The following FRMPD4 variants were observed in gnomAD, a reference collection of about 807,000 sequenced individuals.
FRMPD4 encodes FERM and PDZ domain containing 4.
In FRMPD4, 22 loss-of-function variants were observed where a neutral mutation model predicts 94.1. That is an observed-to-expected ratio of 0.23 (90% CI 0.17 to 0.33). The LOEUF (loss-of-function observed/expected upper bound fraction) is 0.33, where lower values mean the gene tolerates loss of function less well. Among genes scored for constraint, FRMPD4 ranks in the 10% least tolerant of loss-of-function variants. The pLI, the probability that FRMPD4 is intolerant of heterozygous loss-of-function variation, is 1.00. For synonymous variants in FRMPD4, 631 were observed against 548.6 expected, an observed-to-expected ratio of 1.15 and a Z score of -2.10; for missense variants, 1,111 against 1,339.9, an observed-to-expected ratio of 0.83 and a Z score of 2.67.
At chrX:11,947,018 T>C (rs750033276) in intron 3 of FRMPD4, among the ~76,000 whole-genome samples, 1 of 111,742 alleles carries the variant, frequency 8.9e-6, no homozygotes, top group South Asian at 3.8e-4. Context: ...CTCTTACATA[T>C]ACCTAAACAT....
At chrX:12,474,310 A>T (rs746053173) in intron 1 of FRMPD4, among the ~76,000 whole-genome samples, 1 of 111,385 alleles carries the variant, frequency 9.0e-6, no homozygotes, top group Non-Finnish European at 1.9e-5. Flanking sequence ...CATTTAAAGC[A>T]GTGTGTAGAG....
intron 1 of FRMPD4, among the ~76,000 whole-genome samples, chrX:12,289,997 T>C (rs138464150): frequency 0.018 from 2,024 of 111,581 alleles, 49 homozygotes; most frequent in African/African-American, 0.063. Flanking sequence ...TATTTTGAAA[T>C]AGAGAAGGAA....
At chrX:12,181,420 G>T (rs898845785) in intron 1 of FRMPD4, among the ~76,000 whole-genome samples, 11 of 112,032 alleles carry the variant, frequency 9.8e-5, no homozygotes, top group Non-Finnish European at 2.1e-4. Context: ...CTATGAGCTG[G>T]TTGAAGAATT....
At chrX:12,417,307 G>A (rs186588443) in intron 1 of FRMPD4, among the ~76,000 whole-genome samples, 45 of 111,056 alleles carry the variant, frequency 4.1e-4, no homozygotes, top group Admixed American at 1.8e-3. Flanking sequence ...GGCCCGGTGC[G>A]GTAGCTCACG....
Position 12,265,103 on chromosome X carries a change from T to G in FRMPD4, c.41+126091T>G, listed in dbSNP as rs6639169. On this transcript the variant is annotated intron_variant, in intron 1 of 16. Coordinates refer to ENST00000675598, the MANE Select transcript of FRMPD4 (RefSeq NM_001368397.1). Reference sequence around the variant, plus strand: ...TTTCAGCCTGTAATCAAAGACAAAGTAATTCTCAATCTTGGCTGCACCTTG... The same window carrying G: ...TTTCAGCCTGTAATCAAAGACAAAGGAATTCTCAATCTTGGCTGCACCTTG... Among the ~76,000 whole-genome samples, 943 of 111,381 alleles carry G rather than the reference T, an allele frequency of 8.5e-3. 10 individuals carry two copies. Among genetic ancestry groups the G allele is most frequent in the African/African-American group, 0.029 (892 of 30,689 alleles).
chrX:12,435,227 G>T (rs2057051990), intron 1 of FRMPD4, among the ~76,000 whole-genome samples: 1 of 111,464 alleles, frequency 9.0e-6, no homozygotes, highest in Admixed American at 9.5e-5. Flanking sequence ...GGCATTTAGA[G>T]TCTTAATGAT....
At chrX:12,479,413 T>TACATATATAC (rs1248062688) in intron 1 of FRMPD4, among the ~76,000 whole-genome samples, 1 of 69,391 alleles carries the variant, frequency 1.4e-5, no homozygotes, top group African/African-American at 4.3e-5. Flanking sequence ...CACATATATA[T>TACATATATAC]ACATATATAC....
chrX:11,915,577 A>G (rs945019125), intron 3 of FRMPD4, among the ~76,000 whole-genome samples: 11 of 112,628 alleles, frequency 9.8e-5, no homozygotes, highest in African/African-American at 2.9e-4. Context: ...GGCTATTTAA[A>G]TGAAAATTAA....
intron 1 of FRMPD4, among the ~76,000 whole-genome samples, chrX:12,411,718 C>G (rs76486494): frequency 9.0e-6 from 1 of 111,486 alleles, no homozygotes; most frequent in East Asian, 2.8e-4. Context: ...ATAGTCCATC[C>G]GAGACCTGAG....
At chrX:11,908,286 A>T (rs2053978846) in intron 3 of FRMPD4, among the ~76,000 whole-genome samples, 1 of 111,821 alleles carries the variant, frequency 8.9e-6, no homozygotes, top group African/African-American at 3.3e-5. Context: ...GATTGTGAAG[A>T]GCTTGGATCC....
intron 1 of FRMPD4, among the ~76,000 whole-genome samples, chrX:12,471,471 A>G (rs1317151): frequency 0.5 from 54,890 of 110,731 alleles, 10,186 homozygotes; most frequent in South Asian, 0.7. Flanking sequence ...GATTCTATCA[A>G]GCTACGTGAC....
intron 1 of FRMPD4, among the ~76,000 whole-genome samples, chrX:12,319,228 C>CT (rs1271336266): frequency 1.8e-5 from 2 of 111,984 alleles, no homozygotes; most frequent in East Asian, 5.6e-4. Flanking sequence ...ACTGCCAACC[C>CT]TTGGTCTAGA....
intron 3 of FRMPD4, among the ~76,000 whole-genome samples, chrX:11,997,409 G>A (rs2054502268): frequency 8.9e-6 from 1 of 112,046 alleles, no homozygotes; most frequent in African/African-American, 3.2e-5. Context: ...TAACATGCAA[G>A]TATTAGTCAC....
intron 3 of FRMPD4, among the ~76,000 whole-genome samples, chrX:12,055,664 G>A (rs916136335): frequency 9.0e-6 from 1 of 111,718 alleles, no homozygotes; most frequent in African/African-American, 3.3e-5. Context: ...GTGGCTAGAG[G>A]AAAATGAGGC....
At chrX:12,195,018 C>G (rs2056549883) in intron 1 of FRMPD4, among the ~76,000 whole-genome samples, 1 of 112,156 alleles carries the variant, frequency 8.9e-6, no homozygotes, top group Admixed American at 9.4e-5. Flanking sequence ...CTTTAAAATT[C>G]AAAGACATGA....
chrX:11,935,212 A>G (rs1305458314), intron 3 of FRMPD4, among the ~76,000 whole-genome samples: 4 of 70,270 alleles, frequency 5.7e-5, no homozygotes, highest in African/African-American at 1.8e-4. Context: ...CATAACAATT[A>G]AAATAACAAA....
chrX:12,217,553 T>C (rs996543998), intron 1 of FRMPD4, among the ~76,000 whole-genome samples: 4 of 112,147 alleles, frequency 3.6e-5, no homozygotes, highest in African/African-American at 1.3e-4. Context: ...TTGATAAGCT[T>C]GATACTCTTA....
chrX:12,145,135 G>T (rs1272813070), intron 1 of FRMPD4, among the ~76,000 whole-genome samples: 1 of 111,773 alleles, frequency 8.9e-6, no homozygotes, highest in Middle Eastern at 4.6e-3. Context: ...CAAAGATGAG[G>T]TTCAAAGAAA....
chrX:12,176,656 G>A (rs1410822317), intron 1 of FRMPD4, among the ~76,000 whole-genome samples: 1 of 112,109 alleles, frequency 8.9e-6, no homozygotes, highest in Non-Finnish European at 1.9e-5. Context: ...TTTAAAATTG[G>A]TTTCAAATAT....
Sources: gnomAD v4.1 joint callset for allele counts (sites outside exome capture counted in the v4.1 genomes callset) on GRCh38, gnomAD v4.1.1 for gene constraint, MANE v1.5 for transcripts, NCBI Gene and HGNC (gene_info 2026-07-23, HGNC 2026-07-21) for gene names.